The following CYS1 variants were observed in gnomAD, a reference collection of about 807,000 sequenced individuals.
The protein encoded by CYS1 is cystin-1.
In CYS1, 5 loss-of-function variants were observed where a neutral mutation model predicts 9.6. The observed-to-expected ratio is 0.52, with a 90% CI of 0.27 to 1.10. CYS1 has a LOEUF of 1.10. Among genes scored for constraint, CYS1 ranks in the 50% least tolerant of loss-of-function variants. The pLI, the probability that CYS1 is intolerant of heterozygous loss-of-function variation, is 0.11. For missense variants in CYS1, 221 were observed against 207.9 expected (o/e 1.06, Z -0.39); for synonymous variants, 88 against 95.7 (o/e 0.92, Z 0.47).
At chr2:10,073,126 G>A (rs1053512922) in intron 1 of CYS1, among the ~76,000 whole-genome samples, 1 of 151,906 alleles carries the variant, frequency 6.6e-6, no homozygotes, top group Non-Finnish European at 1.5e-5. Context: ...GGCTCTGGGG[G>A]GCAGCGGTGC....
chr2:10,059,517 T>G (rs1014602036), intron 2 of CYS1, among the ~76,000 whole-genome samples: 6 of 152,152 alleles, frequency 3.9e-5, no homozygotes, highest in Middle Eastern at 3.4e-3. Context: ...GCCAACGTGG[T>G]GAAATCTCAT....
intron 2 of CYS1, among the ~76,000 whole-genome samples, chr2:10,059,233 G>A (rs552253037): frequency 4.6e-5 from 7 of 152,392 alleles, no homozygotes; most frequent in African/African-American, 1.7e-4. Flanking sequence ...GGAAGACCGA[G>A]CTTGAATCCC....
intron 1 of CYS1, among the ~76,000 whole-genome samples, chr2:10,066,772 T>C (rs1572456617): frequency 6.6e-6 from 1 of 152,164 alleles, no homozygotes; most frequent in African/African-American, 2.4e-5. Context: ...CTATGTTGAA[T>C]CATCAAAATC....
At chr2:10,075,643 G>A (rs912200375) in intron 1 of CYS1, among the ~76,000 whole-genome samples, 1 of 152,158 alleles carries the variant, frequency 6.6e-6, no homozygotes, top group Non-Finnish European at 1.5e-5. Context: ...TGCATGCCAA[G>A]ATTACTGTAA....
rs1040475712 is a variant in CYS1, at chr2:10,076,922, C to T, written c.318+2984G>A. On this transcript the variant is annotated intron_variant, in intron 1 of 2. Transcript: ENST00000381813. The surrounding 1 kb of genome is among the most constrained non-coding windows in gnomAD (Gnocchi z 4.3). ...CCAAACTCTTACAAAGATCTACTCA[C>T]TTGACATTTCTGTTTGGATGTCTGA... Among the ~76,000 whole-genome samples the T allele has an allele frequency of 6.6e-6, 1 of 152,194 alleles. No homozygotes were observed. Among genetic ancestry groups the T allele is most frequent in the Non-Finnish European group, 1.5e-5 (1 of 68,044 alleles).
At chr2:10,073,576 C>T (rs151073893) in intron 1 of CYS1, among the ~76,000 whole-genome samples, 35 of 152,256 alleles carry the variant, frequency 2.3e-4, no homozygotes, top group African/African-American at 7.7e-4. Flanking sequence ...TGGTGGGAAT[C>T]GGAATGGGTG....
At position 10,057,637 on chromosome 2, in the gene CYS1, C is replaced by A. The variant is rs761748370; in HGVS notation, c.*1216G>T. 1.3e-5 allele frequency: 2 copies of A among 152,636 alleles called. No individual in the cohort carries two copies. The highest frequency in any genetic ancestry group is 2.4e-5 in the African/African-American group (1 of 41,444). The allele number at this position is 152,636 out of a possible 1,614,324, so 9.5% of individuals were successfully genotyped here. A position where few individuals can be genotyped will look rare whatever the true frequency, so the allele number is the denominator to read the frequency against. On this transcript the variant is annotated 3_prime_UTR_variant, in exon 3 of 3. Coordinates refer to ENST00000381813, the MANE Select transcript of CYS1 (RefSeq NM_001037160.3). Reference sequence around the variant, plus strand: ...TTCCTCCTTCCCCCTCTATCTCCTTCTTTCCCTTCTGTCTCCTCCTTCCCC... The same window carrying A: ...TTCCTCCTTCCCCCTCTATCTCCTTATTTCCCTTCTGTCTCCTCCTTCCCC...
At chr2:10,068,631 G>GA (rs1268303069) in intron 1 of CYS1, among the ~76,000 whole-genome samples, 2 of 152,084 alleles carry the variant, frequency 1.3e-5, no homozygotes, top group South Asian at 2.1e-4. Context: ...CTGTTCAAAG[G>GA]AAAAAACTTT....
intron 1 of CYS1, among the ~76,000 whole-genome samples, 185 bp from the exon 2 acceptor site, chr2:10,066,141 T>C (rs943728015): frequency 6.6e-6 from 1 of 152,190 alleles, no homozygotes; most frequent in Non-Finnish European, 1.5e-5. Flanking sequence ...AAACGGAGGC[T>C]GCAAAAAGAA....
At chr2:10,073,447 T>C (rs1661802130) in intron 1 of CYS1, among the ~76,000 whole-genome samples, 1 of 152,122 alleles carries the variant, frequency 6.6e-6, no homozygotes, top group South Asian at 2.1e-4. Context: ...AGTCCTCCGA[T>C]GTAAATAAGA....
At position 10,063,268 on chromosome 2, in the gene CYS1, C is replaced by T. The variant is rs1002873009; in HGVS notation, c.371+2636G>A. On this transcript the variant is annotated intron_variant, in intron 2 of 2. Transcript: ENST00000381813. The surrounding 1 kb of genome is among the most constrained non-coding windows in gnomAD (Gnocchi z 4.2). Reference sequence around the variant, plus strand: ...GAGGGGACAGGGCAGGACCACATCACGTGGACCTACTACAGGAGAGGCCAC... The same window carrying T: ...GAGGGGACAGGGCAGGACCACATCATGTGGACCTACTACAGGAGAGGCCAC... 6.6e-6 allele frequency among the ~76,000 whole-genome samples: 1 copy of T among 152,106 alleles called. No homozygotes were observed. The highest frequency in any genetic ancestry group is 2.4e-5 in the African/African-American group (1 of 41,414).
intron 1 of CYS1, among the ~76,000 whole-genome samples, chr2:10,067,581 AT>A (rs767186517): frequency 1.3e-5 from 2 of 150,744 alleles, no homozygotes; most frequent in African/African-American, 4.9e-5. Context: ...CTAATTTTTC[AT>A]TTTTTGTAGA....
intron 2 of CYS1, among the ~76,000 whole-genome samples, chr2:10,061,252 C>CAAACAAA (rs1558356692): frequency 7.9e-5 from 12 of 151,936 alleles, no homozygotes; most frequent in African/African-American, 2.9e-4. Flanking sequence ...AACCAACCAA[C>CAAACAAA]CAAACAAACA....
chr2:10,069,123 C>T lies in CYS1; in HGVS notation c.319-3167G>A, dbSNP rs1247568400. Among the ~76,000 whole-genome samples the T allele has an allele frequency of 2.0e-5, 3 of 151,904 alleles. No homozygotes were observed. In the East Asian group the frequency reaches 5.8e-4, roughly 29 times the overall value. On this transcript the variant is annotated intron_variant, in intron 1 of 2. Transcript: ENST00000381813. ...AAGTCTCCAGGAAGGGATGAGCAGG[C>T]GGAGACAGGCCACCTACAAAAAGCC...
chr2:10,066,738 A>G (rs1661702283), intron 1 of CYS1, among the ~76,000 whole-genome samples: 1 of 152,230 alleles, frequency 6.6e-6, no homozygotes, highest in African/African-American at 2.4e-5. Context: ...CGGCCCGAAG[A>G]AAACATTGCA....
intron 1 of CYS1, among the ~76,000 whole-genome samples, chr2:10,078,065 C>A (rs1371474599): frequency 6.6e-6 from 1 of 151,446 alleles, no homozygotes; most frequent in Non-Finnish European, 1.5e-5. Context: ...GGGATCACAC[C>A]ACTGGACTCT....
chr2:10,061,241 A>AAACC (rs924953150), intron 2 of CYS1, among the ~76,000 whole-genome samples: 5 of 150,750 alleles, frequency 3.3e-5, no homozygotes, highest in African/African-American at 1.0e-4. Flanking sequence ...CAAAAAAGAA[A>AAACC]AACCAACCAA....
chr2:10,064,275 G>A (rs973112949), intron 2 of CYS1, among the ~76,000 whole-genome samples: 9 of 152,162 alleles, frequency 5.9e-5, no homozygotes, highest in African/African-American at 2.2e-4. Context: ...TATACTGAAT[G>A]AGTGAAGTAC....
At chr2:10,078,105 C>CAA (rs35316392) in intron 1 of CYS1, among the ~76,000 whole-genome samples, 11 of 135,708 alleles carry the variant, frequency 8.1e-5, no homozygotes, top group Admixed American at 5.8e-4. Flanking sequence ...AACTCCGTTT[C>CAA]AAAAAAAAAA....
Sources: gnomAD v4.1 joint callset for allele counts (sites outside exome capture counted in the v4.1 genomes callset) on GRCh38, gnomAD v4.1.1 for gene constraint, Gnocchi (gnomAD v3.1) non-coding constraint, MANE v1.5 for transcripts, NCBI Gene and HGNC (gene_info 2026-07-23, HGNC 2026-07-21) for gene names.